ZFAND3: variants seen among roughly 807,000 people sequenced by gnomAD.
ZFAND3 encodes the protein zinc finger AN1-type containing 3, also known as AN1-type zinc finger protein 3.
ZFAND3 carries 10 observed loss-of-function variants against 29.6 expected under a neutral mutation model. That is an observed-to-expected ratio of 0.34 (90% CI 0.21 to 0.57). The LOEUF (loss-of-function observed/expected upper bound fraction) is 0.57, where lower values mean the gene tolerates loss of function less well. Ranked by LOEUF, ZFAND3 falls within the 20% of genes least tolerant of loss-of-function variation. The pLI is 0.86. For synonymous variants in ZFAND3, 128 were observed against 112.6 expected, an observed-to-expected ratio of 1.14 and a Z score of -0.87; for missense variants, 230 against 304.5, an observed-to-expected ratio of 0.76 and a Z score of 1.82.
At chr6:37,970,442 C>G (rs1581800962) in intron 2 of ZFAND3, among the ~76,000 whole-genome samples, 2 of 152,064 alleles carry the variant, frequency 1.3e-5, no homozygotes, top group Admixed American at 1.3e-4. Context: ...CCAGAGGAGC[C>G]CATTCTAGGG....
At chr6:38,015,752 A>C (rs1219984440) in intron 2 of ZFAND3, among the ~76,000 whole-genome samples, 1 of 152,226 alleles carries the variant, frequency 6.6e-6, no homozygotes, top group Non-Finnish European at 1.5e-5. Flanking sequence ...TAGTATTAAA[A>C]CATGCATTGG....
At chr6:37,820,543 A>C (rs2127362142) in intron 1 of ZFAND3, among the ~76,000 whole-genome samples, 1 of 152,356 alleles carries the variant, frequency 6.6e-6, no homozygotes, top group African/African-American at 2.4e-5. Flanking sequence ...TTCACACGTC[A>C]CCCGTTTGTA....
chr6:38,138,358 C>G (rs1765883209), intron 5 of ZFAND3, among the ~76,000 whole-genome samples: 1 of 152,082 alleles, frequency 6.6e-6, no homozygotes, highest in Admixed American at 6.6e-5. Context: ...TATTCATGTA[C>G]TACCTTTAAA....
chr6:38,112,430 G>A (rs185895953), intron 4 of ZFAND3, among the ~76,000 whole-genome samples: 6 of 151,934 alleles, frequency 3.9e-5, no homozygotes, highest in Admixed American at 2.6e-4. Flanking sequence ...GCAAGGACTC[G>A]CTGCTTCTGA....
chr6:38,017,419 T>C (rs1463583338), intron 2 of ZFAND3, among the ~76,000 whole-genome samples: 1 of 152,222 alleles, frequency 6.6e-6, no homozygotes, highest in Non-Finnish European at 1.5e-5. Context: ...TAGTTATTAG[T>C]GTGCCCAGTG....
At chr6:37,941,543 T>C (rs1761810977) in intron 2 of ZFAND3, among the ~76,000 whole-genome samples, 1 of 152,178 alleles carries the variant, frequency 6.6e-6, no homozygotes, top group Admixed American at 6.5e-5. Context: ...TTAACATCTT[T>C]CTTGTTCTTG....
In ZFAND3 at chr6:38,063,953, G is replaced by GA. The variant is rs796706683; in HGVS notation, c.295+2189dup. Among the ~76,000 whole-genome samples the GA allele has an allele frequency of 3.7e-3, 531 of 143,530 alleles. 1 individual carries two copies. Among genetic ancestry groups the GA allele is most frequent in the Non-Finnish European group, 4.0e-3 (261 of 65,052 alleles). 94.2% of individuals were successfully genotyped at this position (143,530 alleles called of 152,430 possible). On this transcript the variant is annotated intron_variant, in intron 3 of 5. Coordinates refer to ENST00000287218, the MANE Select transcript of ZFAND3 (RefSeq NM_021943.3). Reference sequence around the variant, plus strand: ...AAGGTGTAGAAATCATATAAGAGGAGAAAAAAAAAAACGGTGAAAATGGTA... The same window carrying GA: ...AAGGTGTAGAAATCATATAAGAGGAGAAAAAAAAAAAACGGTGAAAATGGTA...
intron 1 of ZFAND3, among the ~76,000 whole-genome samples, chr6:37,831,781 A>G (rs762154386): frequency 6.6e-6 from 1 of 152,200 alleles, no homozygotes; most frequent in African/African-American, 2.4e-5. Flanking sequence ...AGGTGCAAAC[A>G]CAAGTCCATA....
intron 2 of ZFAND3, among the ~76,000 whole-genome samples, chr6:38,025,042 A>T (rs1763422089): frequency 6.6e-6 from 1 of 152,250 alleles, no homozygotes; most frequent in African/African-American, 2.4e-5. Context: ...TCTGGTATCC[A>T]TTCACATGTC....
At chr6:37,949,068 A>G (rs1761950945) in intron 2 of ZFAND3, among the ~76,000 whole-genome samples, 1 of 152,158 alleles carries the variant, frequency 6.6e-6, no homozygotes, top group Non-Finnish European at 1.5e-5. Flanking sequence ...GTACTAATTT[A>G]CTTTCCCACC....
chr6:37,860,085 G>C (rs1267149519), intron 1 of ZFAND3, among the ~76,000 whole-genome samples: 5 of 148,034 alleles, frequency 3.4e-5, no homozygotes, highest in African/African-American at 1.3e-4. Context: ...GGTTTCACCA[G>C]GTCTCGAACT....
intron 2 of ZFAND3, among the ~76,000 whole-genome samples, chr6:38,047,189 C>T (rs1010333786): frequency 6.6e-6 from 1 of 151,840 alleles, no homozygotes; most frequent in Non-Finnish European, 1.5e-5. Context: ...GTGGCACACA[C>T]TTGTAATCCC....
At chr6:38,089,934 A>G (rs983332416) in intron 4 of ZFAND3, among the ~76,000 whole-genome samples, 6 of 151,884 alleles carry the variant, frequency 4.0e-5, no homozygotes, top group Admixed American at 2.0e-4. Flanking sequence ...GCTCACTGCA[A>G]TCTCCATCTC....
intron 1 of ZFAND3, among the ~76,000 whole-genome samples, chr6:37,826,685 AGAGATTGTAGTGAGCT>A (rs1763766678): frequency 6.6e-6 from 1 of 151,872 alleles, no homozygotes; most frequent in African/African-American, 2.4e-5. Context: ...TCCAGGAGGC[AGAGATTGTAGTGAGCT>A]GAGATTGTGC....
At chr6:37,936,929 CA>C (rs1166603539) in intron 2 of ZFAND3, among the ~76,000 whole-genome samples, 1 of 152,098 alleles carries the variant, frequency 6.6e-6, no homozygotes, top group Non-Finnish European at 1.5e-5. Context: ...GTAGATAAGC[CA>C]AAATGCTAAC....
At chr6:38,122,384 C>T (rs184290493) in intron 5 of ZFAND3, among the ~76,000 whole-genome samples, 172 of 152,352 alleles carry the variant, frequency 1.1e-3, no homozygotes, top group Non-Finnish European at 2.0e-3. Flanking sequence ...AGTGCAGACA[C>T]AACCATCATA....
chr6:37,860,640 T>G (rs943005319), intron 1 of ZFAND3, among the ~76,000 whole-genome samples: 11 of 141,116 alleles, frequency 7.8e-5, no homozygotes, highest in Admixed American at 1.4e-4. Context: ...TCACTTAGTT[T>G]TTTTTTTTTT....
At chr6:37,859,204 T>C (rs1446952204) in intron 1 of ZFAND3, among the ~76,000 whole-genome samples, 1 of 152,252 alleles carries the variant, frequency 6.6e-6, no homozygotes, top group Non-Finnish European at 1.5e-5. Flanking sequence ...CTTTACAGGA[T>C]TGTTGAAAGG....
chr6:37,942,304 A>G (rs1461744345), intron 2 of ZFAND3, among the ~76,000 whole-genome samples: 1 of 151,882 alleles, frequency 6.6e-6, no homozygotes, highest in Non-Finnish European at 1.5e-5. Flanking sequence ...GGTAAAGTTT[A>G]CCTCCATAAA....
Sources: gnomAD v4.1 joint callset for allele counts (sites outside exome capture counted in the v4.1 genomes callset) on GRCh38, gnomAD v4.1.1 for gene constraint, MANE v1.5 for transcripts, NCBI Gene and HGNC (gene_info 2026-07-23, HGNC 2026-07-21) for gene names.